Variants in SUGP1 observed in about 807,000 individuals in gnomAD.
SUGP1 encodes the protein SURP and G-patch domain containing 1.
In SUGP1, 34 loss-of-function variants were observed where a neutral mutation model predicts 76.5. The observed-to-expected ratio is 0.44, with a 90% confidence interval of 0.34 to 0.59. SUGP1 has a LOEUF of 0.59. Among genes scored for constraint, SUGP1 ranks in the 20% least tolerant of loss-of-function variants. The pLI, the probability that SUGP1 is intolerant of heterozygous loss-of-function variation, is 0.01. For missense variants in SUGP1, 752 were observed against 851.7 expected, an observed-to-expected ratio of 0.88 and a Z score of 1.46; for synonymous variants, 326 against 326.2, an observed-to-expected ratio of 1.00 and a Z score of 0.01.
At chr19:19,315,468 C>A (rs2061386929) in intron 2 of SUGP1, among the ~76,000 whole-genome samples, 1 of 152,206 alleles carries the variant, frequency 6.6e-6, no homozygotes. Flanking sequence ...TCTGGTCACC[C>A]TCATCACAAC....
At chr19:19,307,778 C>T (rs1370064196) in intron 3 of SUGP1, among the ~76,000 whole-genome samples, 2 of 152,118 alleles carry the variant, frequency 1.3e-5, no homozygotes, top group Admixed American at 6.5e-5. Flanking sequence ...AATCCTCCCA[C>T]CTCAGCCTCC....
At chr19:19,314,663 G>C (rs2061379522) in intron 2 of SUGP1, among the ~76,000 whole-genome samples, 2 of 152,216 alleles carry the variant, frequency 1.3e-5, no homozygotes, top group Admixed American at 6.5e-5. Flanking sequence ...GGAAAGACAA[G>C]AAATCACATT....
intron 3 of SUGP1, among the ~76,000 whole-genome samples, chr19:19,309,186 T>C (rs2061337112): frequency 6.6e-6 from 1 of 152,218 alleles, no homozygotes; most frequent in East Asian, 1.9e-4. Context: ...GGTATTAATT[T>C]ACATATTTAT....
At chr19:19,277,256 G>GT (rs967107915) in intron 12 of SUGP1, among the ~76,000 whole-genome samples, 180 bp from the exon 13 acceptor site, 5 of 150,600 alleles carry the variant, frequency 3.3e-5, no homozygotes, top group African/African-American at 9.8e-5. Context: ...GCGGGCGGGG[G>GT]GGGGGGGCCT....
intron 8 of SUGP1, among the ~76,000 whole-genome samples, chr19:19,284,091 G>GT (rs1306958085): frequency 6.6e-6 from 1 of 152,196 alleles, no homozygotes; most frequent in Non-Finnish European, 1.5e-5. Context: ...GGGTTCTCAA[G>GT]TATTTTTCAG....
At chr19:19,295,793 C>CA (rs1052788057) in intron 8 of SUGP1, among the ~76,000 whole-genome samples, 2 of 151,926 alleles carry the variant, frequency 1.3e-5, no homozygotes, top group Non-Finnish European at 2.9e-5. Context: ...TTCCTTAAGC[C>CA]AGGGTGGTAG....
Position 19,276,363 on chromosome 19 carries a change from T to C in SUGP1, c.*285A>G, listed in dbSNP as rs2061049419. 4 of 392,494 alleles carry C rather than the reference T, an allele frequency of 1.0e-5. No homozygotes were observed. Among genetic ancestry groups the C allele is most frequent in the Non-Finnish European group, 1.4e-5 (3 of 212,754 alleles). The allele number at this position is 392,494 out of a possible 1,614,324, so 24.3% of individuals were successfully genotyped here. On this transcript the variant is annotated 3_prime_UTR_variant, in exon 14 of 14. Coordinates refer to ENST00000247001, the MANE Select transcript of SUGP1 (RefSeq NM_172231.4). ...ACTGCACCTGGCCTTCCAGCTTTACTATGCTGAAAACAACTTTCTTCCTCC... is the reference window on the plus strand; with the variant it reads ...ACTGCACCTGGCCTTCCAGCTTTACCATGCTGAAAACAACTTTCTTCCTCC...
chr19:19,314,001 G>A (rs767090668), intron 2 of SUGP1, among the ~76,000 whole-genome samples: 6 of 152,184 alleles, frequency 3.9e-5, no homozygotes, highest in African/African-American at 1.2e-4. Flanking sequence ...AGCCGGGCAC[G>A]ATGGTGGGTT....
intron 7 of SUGP1, among the ~76,000 whole-genome samples, chr19:19,301,076 G>A (rs1599861181): frequency 1.3e-5 from 2 of 152,278 alleles, no homozygotes; most frequent in South Asian, 4.2e-4. Flanking sequence ...GGCAAATGAA[G>A]GAAAGACATG....
chr19:19,319,047 G>A (rs939219308), intron 1 of SUGP1, among the ~76,000 whole-genome samples: 3 of 109,534 alleles, frequency 2.7e-5, no homozygotes, highest in Admixed American at 8.7e-5. Context: ...GTGATACCCC[G>A]TCTCTACTAA....
chr19:19,282,474 C>A (rs1200239436), intron 8 of SUGP1, among the ~76,000 whole-genome samples: 1 of 151,532 alleles, frequency 6.6e-6, no homozygotes, highest in Non-Finnish European at 1.5e-5. Context: ...CAATTCAGAC[C>A]CAAAGACACA....
At chr19:19,301,379 C>T (rs1228219483) in intron 7 of SUGP1, among the ~76,000 whole-genome samples, 2 of 152,178 alleles carry the variant, frequency 1.3e-5, no homozygotes, top group Non-Finnish European at 2.9e-5. Flanking sequence ...CTCAGTCCCA[C>T]CTCCCAATGG....
chr19:19,311,743 A>G (rs1199834573), intron 2 of SUGP1, among the ~76,000 whole-genome samples: 4 of 151,464 alleles, frequency 2.6e-5, no homozygotes, highest in East Asian at 1.9e-4. Context: ...AAAAAAAAAA[A>G]AAAAAAGAAA....
intron 7 of SUGP1, 82 bp from the exon 8 acceptor site, chr19:19,297,426 T>C: frequency 8.5e-7 from 1 of 1,170,124 alleles, no homozygotes; most frequent in Non-Finnish European, 1.2e-6. Context: ...GTTCTGGCCT[T>C]GTGTGCCCAC....
At chr19:19,278,083 C>T (rs938544512) in intron 11 of SUGP1, among the ~76,000 whole-genome samples, 1 of 152,170 alleles carries the variant, frequency 6.6e-6, no homozygotes, top group Non-Finnish European at 1.5e-5. Context: ...AAACTGTGCA[C>T]CCCTGGTGGC....
intron 2 of SUGP1, among the ~76,000 whole-genome samples, chr19:19,314,138 AAAAAT>A (rs965860609): frequency 7.2e-6 from 1 of 139,818 alleles, no homozygotes; most frequent in African/African-American, 2.8e-5. Flanking sequence ...CTCTGTCTCA[AAAAAT>A]AAAATAAATA....
rs773238000 is a variant in SUGP1, at chr19:19,297,121, C to T, written c.1111G>A (p.Gly371Arg). ...ACGGTGGCTGCGGAGGCTGGCTTCC[C>T]GGGGGCAGCTGGAGCAGGGATGATA... The part of the protein sequence containing the change: ...PTIIPAPAAP[G>R]KPASAATVKR... The change falls in exon 8 of 14, where the codon GGG becomes AGG. Residue 371 changes from glycine to arginine, a missense_variant. Gly to Arg is a moderately radical substitution (Grantham distance 125). Transcript: ENST00000247001. The T allele has an allele frequency of 1.1e-5, 17 of 1,613,844 alleles. No individual in the cohort carries two copies. Among genetic ancestry groups the T allele is most frequent in the South Asian group, 3.3e-5 (3 of 91,070 alleles).
At chr19:19,309,123 T>TC (rs1421564179) in intron 3 of SUGP1, among the ~76,000 whole-genome samples, 2 of 152,054 alleles carry the variant, frequency 1.3e-5, no homozygotes, top group Admixed American at 1.3e-4. Context: ...TGTCTCGGCC[T>TC]CCCAAAGTGC....
chr19:19,285,310 A>G (rs1052101929), intron 8 of SUGP1, among the ~76,000 whole-genome samples: 3 of 151,820 alleles, frequency 2.0e-5, no homozygotes, highest in African/African-American at 7.3e-5. Flanking sequence ...GGATTACAGG[A>G]GCCTGCCACT....
Sources: allele counts gnomAD v4.1 joint callset (sites outside exome capture counted in the v4.1 genomes callset), GRCh38; gene constraint gnomAD v4.1.1; transcripts MANE v1.5; gene names NCBI Gene and HGNC (gene_info 2026-07-23, HGNC 2026-07-21).